The following SRRT variants were observed in gnomAD, a reference collection of about 807,000 sequenced individuals.
SRRT encodes the protein serrate, RNA effector molecule.
A neutral mutation model predicts 103.2 loss-of-function variants in SRRT; 32 were observed. The ratio of observed to expected loss-of-function variants is 0.31; its 90% CI spans 0.23 to 0.42. The LOEUF (loss-of-function observed/expected upper bound fraction) is 0.42, where lower values mean the gene tolerates loss of function less well. Ranked by LOEUF, SRRT falls within the 10% of genes least tolerant of loss-of-function variation. The pLI is 1.00. For synonymous variants in SRRT, 525 were observed against 449.0 expected (o/e 1.17, Z -2.14); for missense variants, 986 against 1,207.5 (o/e 0.82, Z 2.72).
rs142842554 is a variant in SRRT, at chr7:100,883,442, C to T, written c.588-628C>T. The stretch of plus-strand genomic sequence containing the variant: ...AATGTTTTATTTTTCTTCTCCCTAA[C>T]CTTCCAGCCCTCTCCTCTCTCTCCC... On this transcript the variant is annotated intron_variant, in intron 5 of 19. Coordinates refer to ENST00000611405, the MANE Select transcript of SRRT (RefSeq NM_015908.6). 4.6e-4 allele frequency among the ~76,000 whole-genome samples: 70 copies of T among 152,302 alleles called. 1 individual carries two copies. The East Asian group carries it at 0.01, about 23-fold the overall frequency.
chr7:100,887,408 G>A lies in SRRT; in HGVS notation c.2064G>A (p.Met688Ile). 6.2e-7 allele frequency: 1 copy of A among 1,614,226 alleles called. No individual in the cohort carries two copies. ...TCTCAGAGGAAGAGGCCCAGAAGATGGGGCGCAAAGACCCAGAGCAGGAAG... is the reference window on the plus strand; with the variant it reads ...TCTCAGAGGAAGAGGCCCAGAAGATAGGGCGCAAAGACCCAGAGCAGGAAG... Reference protein sequence around the residue: ...ESLSEEEAQKMGRKDPEQEVE... With the variant: ...ESLSEEEAQKIGRKDPEQEVE... Residue 688 changes from methionine (M) to isoleucine (I), a missense_variant, in exon 16 of 20, where the codon ATG becomes ATA. This residue lies in a region of SRRT where 349 missense variants were observed against 446.9 expected (regional missense o/e 0.78). Coordinates refer to ENST00000611405, the MANE Select transcript of SRRT (RefSeq NM_015908.6). The surrounding 1 kb of genome is among the most constrained non-coding windows in gnomAD (Gnocchi z 4.1).
chr7:100,879,697 T>C (rs1295769545), intron 2 of SRRT, among the ~76,000 whole-genome samples: 1 of 149,926 alleles, frequency 6.7e-6, no homozygotes, highest in Non-Finnish European at 1.5e-5. Flanking sequence ...TTTTTAAGAG[T>C]ATTAAGGGGC....
intron 12 of SRRT, 96 bp from the exon 13 acceptor site, chr7:100,886,135 GAGCTCGCAGTCTGATC>G: frequency 7.5e-7 from 1 of 1,336,826 alleles, no homozygotes; most frequent in Non-Finnish European, 1.0e-6. Flanking sequence ...CGTCCCCAGG[GAGCTCGCAGTCTGATC>G]AATCGCTGGT....
rs777289982 is a variant in SRRT, at chr7:100,884,920, C to CA, written c.1042-2dup. Reference sequence around the variant, plus strand: ...CTTGTCCCCTCTGCTGTGGCTCACACAGAGTAGCAAGAAGCGGAACCGGAA... The same window carrying CA: ...CTTGTCCCCTCTGCTGTGGCTCACACAAGAGTAGCAAGAAGCGGAACCGGAA... On this transcript the variant is annotated splice_polypyrimidine_tract_variant and splice_region_variant and intron_variant, in intron 8 of 19. Transcript: ENST00000611405. The CA allele has an allele frequency of 6.2e-7, 1 of 1,613,922 alleles. No individual in the cohort carries two copies.
chr7:100,887,506 A>G lies in SRRT; in HGVS notation c.2162A>G (p.Lys721Arg). The change falls in exon 16 of 20, where the codon AAA (lysine) becomes AGA (arginine). Residue 721 changes from lysine (K) to arginine (R), a missense_variant. By Grantham distance (26) the Lys-to-Arg change is conservative. Coordinates refer to ENST00000611405, the MANE Select transcript of SRRT (RefSeq NM_015908.6). The surrounding 1 kb of genome is among the most constrained non-coding windows in gnomAD (Gnocchi z 4.1). ...DKWLCPLSGK[K>R]FKGPEFVRKH... ...TGGCTGTGTCCTCTCAGTGGCAAGA[A>G]ATTCAAGGTGTGGGATGTTGGAGAA... 1 of 1,613,988 alleles carries G rather than the reference A, an allele frequency of 6.2e-7. No individual in the cohort carries two copies.
At chr7:100,884,670 G>T in intron 7 of SRRT, 70 bp from the exon 8 acceptor site, 3 of 1,558,566 alleles carry the variant, frequency 1.9e-6, no homozygotes, top group East Asian at 2.3e-5. Flanking sequence ...CCTCAGCTGT[G>T]GGGGTGGGGG....
At chr7:100,878,965 ATTC>A in intron 2 of SRRT, among the ~76,000 whole-genome samples, 1 of 91,036 alleles carries the variant, frequency 1.1e-5, no homozygotes, top group African/African-American at 4.3e-5. Context: ...TCTTTCTTTC[ATTC>A]TTTCTTTCAG....
chr7:100,877,083 C>T (rs948889411), intron 2 of SRRT, among the ~76,000 whole-genome samples: 2 of 151,716 alleles, frequency 1.3e-5, no homozygotes, highest in African/African-American at 4.8e-5. Context: ...TGGGTAAAAC[C>T]GCTGATGCTT....
At chr7:100,886,480 C>G in intron 13 of SRRT, 45 bp downstream of exon 13, 1 of 1,557,322 alleles carries the variant, frequency 6.4e-7, no homozygotes, top group Non-Finnish European at 8.7e-7. Flanking sequence ...ACTGGTAGTG[C>G]CTCTGCTGTG....
In SRRT at chr7:100,887,593, G is replaced by A; in HGVS notation, c.2169+80G>A. On this transcript the variant is annotated intron_variant, in intron 16 of 19. Coordinates refer to ENST00000611405, the MANE Select transcript of SRRT (RefSeq NM_015908.6). The surrounding 1 kb of genome is among the most constrained non-coding windows in gnomAD (Gnocchi z 4.1). ...AGGAAGCCCCCTGGGCAGGGGTGGG[G>A]GAACTGCTTACTGCACTGGCAGGCG... is the stretch of plus-strand genomic sequence containing the variant. The A allele has an allele frequency of 2.5e-6, 4 of 1,583,594 alleles. No individual in the cohort carries two copies. In the South Asian group the frequency reaches 4.6e-5, roughly 18 times the overall value.
rs1178722105 is a variant in SRRT, at chr7:100,884,196, G to A, written c.714G>A (p.Leu238=). 1.9e-6 allele frequency: 3 copies of A among 1,614,032 alleles called. No individual in the cohort carries two copies. The highest frequency in any genetic ancestry group is 4.5e-5 in the East Asian group (2 of 44,884). ...METGWFDNLL[L]DIDKADAIVK... ...CTGGCTGGTTTGATAACCTTCTCCT[G>A]GACATAGACAAAGCTGATGCCATTG... Residue 238 remains leucine (L), a synonymous_variant, in exon 6 of 20, where the codon CTG becomes CTA. Coordinates refer to ENST00000611405, the MANE Select transcript of SRRT (RefSeq NM_015908.6).
At chr7:100,877,080 A>G (rs780395468) in intron 2 of SRRT, among the ~76,000 whole-genome samples, 1 of 152,154 alleles carries the variant, frequency 6.6e-6, no homozygotes, top group Non-Finnish European at 1.5e-5. Flanking sequence ...TGATGGGTAA[A>G]ACCGCTGATG....
intron 2 of SRRT, among the ~76,000 whole-genome samples, chr7:100,876,893 G>A (rs1054783022): frequency 6.6e-6 from 1 of 152,172 alleles, no homozygotes; most frequent in Non-Finnish European, 1.5e-5. Context: ...CCCCAGACAC[G>A]AGTGACATGA....
Position 100,885,388 on chromosome 7 carries a change from GAGTCA to G in SRRT, c.1317+19_1317+23del. On this transcript the variant is annotated intron_variant, in intron 10 of 19. Coordinates refer to ENST00000611405, the MANE Select transcript of SRRT (RefSeq NM_015908.6). The surrounding 1 kb of genome is among the most constrained non-coding windows in gnomAD (Gnocchi z 4.8). The stretch of plus-strand genomic sequence containing the variant: ...TCATCTCCGTGAGTGGGGACCCGTG[GAGTCA>G]GGGCAGGGCTGATGGAGAAGTGGAG... 1 of 1,609,642 alleles carries G rather than the reference GAGTCA, an allele frequency of 6.2e-7. No homozygotes were observed. The highest frequency in any genetic ancestry group is 1.1e-5 in the South Asian group (1 of 90,840).
chr7:100,875,819 A>C, intron 2 of SRRT, 107 bp downstream of exon 2: 9 of 1,423,454 alleles, frequency 6.3e-6, no homozygotes, highest in Non-Finnish European at 8.8e-6. Flanking sequence ...AATCCTATGA[A>C]ATGGCTCATT....
At chr7:100,881,888 G>A (rs937869900) in intron 4 of SRRT, 83 bp downstream of exon 4, 2 of 1,515,018 alleles carry the variant, frequency 1.3e-6, no homozygotes, top group African/African-American at 2.8e-5. Context: ...AAGCCAGGGA[G>A]CGGGTCAGGC....
At position 100,881,948 on chromosome 7, in the gene SRRT, G is replaced by T; in HGVS notation, c.399-105G>T. On this transcript the variant is annotated intron_variant, in intron 4 of 19. Coordinates refer to ENST00000611405, the MANE Select transcript of SRRT (RefSeq NM_015908.6). ...GGGGTGGTAGCTGTTGGGGTTTGGG[G>T]TGATGTCCATGGTGGACAAAGTAAA... 3 of 1,480,384 alleles carry T rather than the reference G, an allele frequency of 2.0e-6. No individual in the cohort carries two copies. The South Asian group carries it at 3.9e-5, about 19-fold the overall frequency. 91.7% of individuals were successfully genotyped at this position (1,480,384 alleles called of 1,614,324 possible).
chr7:100,880,226 G>A (rs1816156189), intron 2 of SRRT, among the ~76,000 whole-genome samples: 1 of 152,216 alleles, frequency 6.6e-6, no homozygotes, highest in Admixed American at 6.5e-5. Context: ...CTGTTCCGTT[G>A]ATACAGCAGA....
chr7:100,885,172 T>C lies in SRRT; in HGVS notation c.1160-41T>C, dbSNP rs369586028. The C allele has an allele frequency of 1.3e-5, 21 of 1,605,690 alleles. No homozygotes were observed. The Admixed American group carries it at 2.7e-4, about 21-fold the overall frequency. On this transcript the variant is annotated intron_variant, in intron 9 of 19. Transcript: ENST00000611405. This position sits in a 1 kb window ranked among gnomAD's most constrained non-coding sequence, Gnocchi z 4.8. ...GTATCCTCCCCACCACAATCAGTAA[T>C]AAAAATGCACCAACTCCTTCCTACC...
Sources: gnomAD v4.1 joint callset for allele counts (sites outside exome capture counted in the v4.1 genomes callset) on GRCh38, gnomAD v4.1.1 for gene constraint, gnomAD v4.1.1 regional missense constraint, Gnocchi (gnomAD v3.1) non-coding constraint, MANE v1.5 for transcripts, NCBI Gene and HGNC (gene_info 2026-07-23, HGNC 2026-07-21) for gene names.